Variants in SLC25A13 observed in about 807,000 individuals in gnomAD.
SLC25A13 encodes the protein electrogenic aspartate/glutamate antiporter SLC25A13, mitochondrial.
Under a neutral mutation model 85.5 loss-of-function variants are expected in SLC25A13, and 70 were observed. That is an observed-to-expected ratio of 0.82 (90% CI 0.68 to 1.00). SLC25A13 has a LOEUF of 1.00. SLC25A13 is among the 50% of genes least tolerant of loss of function. The probability of loss-of-function intolerance (pLI) is 0.00; values close to 1 mark genes in which losing one functional copy is unlikely to be tolerated. For synonymous variants in SLC25A13, 259 were observed against 288.7 expected, an observed-to-expected ratio of 0.90 and a Z score of 1.04; for missense variants, 765 against 819.8, an observed-to-expected ratio of 0.93 and a Z score of 0.82.
chr7:96,275,880 G>C (rs1054573119), intron 3 of SLC25A13, among the ~76,000 whole-genome samples: 3 of 152,024 alleles, frequency 2.0e-5, no homozygotes, highest in Non-Finnish European at 4.4e-5. Context: ...AAAACTTAAA[G>C]TATAATAAAA....
chr7:96,182,203 T>C (rs1794444324), intron 11 of SLC25A13, among the ~76,000 whole-genome samples: 1 of 152,234 alleles, frequency 6.6e-6, no homozygotes, highest in African/African-American at 2.4e-5. Context: ...GGCAAAGTTA[T>C]GTATCATTAT....
At chr7:96,155,335 A>C (rs1793219406) in intron 13 of SLC25A13, among the ~76,000 whole-genome samples, 1 of 152,156 alleles carries the variant, frequency 6.6e-6, no homozygotes, top group African/African-American at 2.4e-5. Flanking sequence ...TTATGTATGA[A>C]GGATCTTCTA....
At chr7:96,289,283 T>G (rs1266454871) in intron 2 of SLC25A13, among the ~76,000 whole-genome samples, 4 of 151,866 alleles carry the variant, frequency 2.6e-5, no homozygotes, top group Non-Finnish European at 5.9e-5. Flanking sequence ...AGACCAAAGG[T>G]AGATAAAACC....
intron 15 of SLC25A13, among the ~76,000 whole-genome samples, chr7:96,123,526 A>G (rs935129404): frequency 6.6e-6 from 1 of 152,182 alleles, no homozygotes; most frequent in African/African-American, 2.4e-5. Context: ...AAATAGAGGT[A>G]CTGGGGGTGA....
At chr7:96,289,390 G>A (rs1418553868) in intron 2 of SLC25A13, among the ~76,000 whole-genome samples, 8 of 152,282 alleles carry the variant, frequency 5.3e-5, no homozygotes, top group South Asian at 4.1e-4. Flanking sequence ...CACCGGCAAC[G>A]GAACAAAGCT....
chr7:96,313,915 C>T (rs1336992332), intron 1 of SLC25A13, among the ~76,000 whole-genome samples: 2 of 152,132 alleles, frequency 1.3e-5, no homozygotes, highest in Non-Finnish European at 2.9e-5. Context: ...TATACCTGAC[C>T]TGTACAGGGA....
At chr7:96,162,329 T>A (rs1793539300) in intron 13 of SLC25A13, among the ~76,000 whole-genome samples, 1 of 152,200 alleles carries the variant, frequency 6.6e-6, no homozygotes, top group African/African-American at 2.4e-5. Context: ...ATGGTGACTT[T>A]GAGTATATTT....
intron 1 of SLC25A13, among the ~76,000 whole-genome samples, chr7:96,311,864 T>C (rs887789034): frequency 2.6e-5 from 4 of 152,086 alleles, no homozygotes; most frequent in Non-Finnish European, 5.9e-5. Context: ...AACAAACAAA[T>C]AAACAGGCTC....
At chr7:96,136,458 TATAAC>T (rs1562786201) in intron 14 of SLC25A13, among the ~76,000 whole-genome samples, 1 of 152,212 alleles carries the variant, frequency 6.6e-6, no homozygotes, top group Non-Finnish European at 1.5e-5. Context: ...TGTCAATAGA[TATAAC>T]ACAACAGGAT....
chr7:96,208,864 A>ATG lies in SLC25A13; in HGVS notation c.440_441dup (p.Tyr148HisfsTer49). The ATG allele has an allele frequency of 6.2e-7, 1 of 1,614,076 alleles. No homozygotes were observed. Among genetic ancestry groups the ATG allele is most frequent in the Non-Finnish European group, 8.5e-7 (1 of 1,180,014 alleles). On this transcript the variant is annotated frameshift_variant, in exon 5 of 18. Transcript: ENST00000265631. LOFTEE classifies it high-confidence loss of function. ...AATAAAAACTGAGTAAATTCCGCAT[A>ATG]TGTCAGGTGTCTTTTTCTTTCTTTT... is the stretch of plus-strand genomic sequence containing the variant.
At chr7:96,164,747 A>C (rs978858509) in intron 13 of SLC25A13, among the ~76,000 whole-genome samples, 6 of 85,062 alleles carry the variant, frequency 7.1e-5, no homozygotes, top group Admixed American at 3.3e-4. Flanking sequence ...CACACACACA[A>C]AAGAAGCAGC....
At chr7:96,202,849 ACTAGCCCAAGG>A (rs746355321) in intron 5 of SLC25A13, among the ~76,000 whole-genome samples, 33 of 152,144 alleles carry the variant, frequency 2.2e-4, no homozygotes, top group Middle Eastern at 3.4e-3. Context: ...CCATCCTCCC[ACTAGCCCAAGG>A]CTAAAACCCA....
chr7:96,280,119 A>G (rs1320595581), intron 2 of SLC25A13, among the ~76,000 whole-genome samples: 2 of 152,038 alleles, frequency 1.3e-5, no homozygotes, highest in African/African-American at 2.4e-5. Context: ...ATCCTTTTCA[A>G]TTGTCTCGTC....
chr7:96,244,141 G>A (rs989393773), intron 3 of SLC25A13, among the ~76,000 whole-genome samples: 2 of 152,040 alleles, frequency 1.3e-5, no homozygotes, highest in African/African-American at 2.4e-5. Flanking sequence ...GGGTCTGGGG[G>A]GGTCCTGTCC....
intron 3 of SLC25A13, among the ~76,000 whole-genome samples, chr7:96,271,134 T>G (rs1266491597): frequency 6.6e-6 from 1 of 152,226 alleles, no homozygotes; most frequent in African/African-American, 2.4e-5. Context: ...GGATTAGGAA[T>G]AGATCTCTTT....
At chr7:96,153,692 C>T (rs1257150008) in intron 13 of SLC25A13, among the ~76,000 whole-genome samples, 4 of 152,220 alleles carry the variant, frequency 2.6e-5, no homozygotes, top group Admixed American at 2.6e-4. Context: ...AACTGAGGAA[C>T]ATTTTATTGC....
intron 5 of SLC25A13, among the ~76,000 whole-genome samples, chr7:96,207,616 A>G (rs1056502406): frequency 6.6e-6 from 1 of 152,228 alleles, no homozygotes; most frequent in African/African-American, 2.4e-5. Context: ...GTTAGAAACA[A>G]AGCAAATGCA....
At chr7:96,240,541 A>G (rs1279404392) in intron 3 of SLC25A13, among the ~76,000 whole-genome samples, 1 of 152,098 alleles carries the variant, frequency 6.6e-6, no homozygotes, top group Non-Finnish European at 1.5e-5. Context: ...GAGATGAAGA[A>G]TCACAAGAAA....
chr7:96,127,620 C>T lies in SLC25A13; in HGVS notation c.1591+4123G>A, dbSNP rs1007360791. On this transcript the variant is annotated intron_variant, in intron 15 of 17. Transcript: ENST00000265631. ...GAAATTATTATCTAAACATAGAAAG[C>T]GTGGTCATATTCATTTAATCACAGG... 5.3e-5 allele frequency among the ~76,000 whole-genome samples: 8 copies of T among 152,164 alleles called. No individual in the cohort carries two copies. In the East Asian group the frequency reaches 5.8e-4, roughly 11 times the overall value.
Sources: gnomAD v4.1 joint callset for allele counts (sites outside exome capture counted in the v4.1 genomes callset) on GRCh38, gnomAD v4.1.1 for gene constraint, MANE v1.5 for transcripts, NCBI Gene and HGNC (gene_info 2026-07-23, HGNC 2026-07-21) for gene names.